Variants in CNTN6 observed in about 807,000 individuals in gnomAD.
CNTN6 encodes contactin 6.
A neutral mutation model predicts 122.8 loss-of-function variants in CNTN6; 137 were observed. That is an observed-to-expected ratio of 1.12 (90% CI 0.97 to 1.29). The LOEUF (loss-of-function observed/expected upper bound fraction) is 1.29. CNTN6 is among the 50% of genes most tolerant of loss of function. The pLI is 0.00. For missense variants in CNTN6, 1,634 were observed against 1,223.4 expected (o/e 1.34, Z -5.01); for synonymous variants, 570 against 426.0 (o/e 1.34, Z -4.16).
intron 2 of CNTN6, among the ~76,000 whole-genome samples, chr3:1,202,173 T>G (rs2093882467): frequency 6.6e-6 from 1 of 152,160 alleles, no homozygotes; most frequent in Non-Finnish European, 1.5e-5. Context: ...CATAGAAACA[T>G]GTTGATAAAG....
At chr3:1,398,149 A>G (rs536464512) in intron 20 of CNTN6, among the ~76,000 whole-genome samples, 1 of 152,136 alleles carries the variant, frequency 6.6e-6, no homozygotes, top group Non-Finnish European at 1.5e-5. Flanking sequence ...TGTGCTATCC[A>G]TGTGGCAGTG....
chr3:1,209,485 C>T (rs2094003477), intron 2 of CNTN6, among the ~76,000 whole-genome samples: 1 of 152,172 alleles, frequency 6.6e-6, no homozygotes, highest in Non-Finnish European at 1.5e-5. Flanking sequence ...AGCTTTGCAT[C>T]TTGTGAAGTG....
intron 1 of CNTN6, among the ~76,000 whole-genome samples, chr3:1,117,720 C>T (rs1447548255): frequency 6.6e-6 from 1 of 152,122 alleles, no homozygotes; most frequent in Non-Finnish European, 1.5e-5. Context: ...ATGCATAGGG[C>T]AAACCAGAAA....
intron 11 of CNTN6, 136 bp downstream of exon 11, chr3:1,330,071 C>T: frequency 1.9e-6 from 1 of 535,760 alleles, no homozygotes; most frequent in Non-Finnish European, 3.1e-6. Flanking sequence ...CGCCAGCATT[C>T]TTCTCATCAT....
At chr3:1,330,383 C>A (rs1199061247) in intron 11 of CNTN6, among the ~76,000 whole-genome samples, 4 of 151,778 alleles carry the variant, frequency 2.6e-5, no homozygotes, top group African/African-American at 9.7e-5. Context: ...AGAGAGGTTC[C>A]TGTAGAGAAA....
chr3:1,277,363 T>G (rs3852026), intron 4 of CNTN6, among the ~76,000 whole-genome samples: 23 of 125,008 alleles, frequency 1.8e-4, no homozygotes, highest in Non-Finnish European at 2.5e-4. Context: ...TTTTTTTTTT[T>G]TTTTTTTTTT....
At chr3:1,139,626 T>TGAACAATG (rs1273829967) in intron 1 of CNTN6, among the ~76,000 whole-genome samples, 11 of 152,152 alleles carry the variant, frequency 7.2e-5, no homozygotes, top group Admixed American at 7.2e-4. Context: ...GGAGTTTAAT[T>TGAACAATG]GAACAATGAA....
intron 4 of CNTN6, among the ~76,000 whole-genome samples, chr3:1,231,003 TG>T (rs1353636208): frequency 6.6e-6 from 1 of 152,218 alleles, no homozygotes; most frequent in Non-Finnish European, 1.5e-5. Context: ...TATCCCTTTT[TG>T]CATTTCATGC....
intron 8 of CNTN6, among the ~76,000 whole-genome samples, 198 bp from the exon 9 acceptor site, chr3:1,325,617 T>C (rs1446501086): frequency 6.6e-6 from 1 of 151,798 alleles, no homozygotes; most frequent in African/African-American, 2.4e-5. Context: ...TTGAGCCAAA[T>C]GCCCAATGAT....
intron 2 of CNTN6, among the ~76,000 whole-genome samples, chr3:1,213,663 T>C (rs1487356263): frequency 6.6e-6 from 1 of 151,758 alleles, no homozygotes; most frequent in Non-Finnish European, 1.5e-5. Flanking sequence ...TATTCATGTA[T>C]AGATAGATAA....
chr3:1,393,569 A>G (rs1013849331), intron 20 of CNTN6, among the ~76,000 whole-genome samples: 15 of 144,322 alleles, frequency 1.0e-4, no homozygotes, highest in Admixed American at 9.0e-4. Context: ...AAAAAAAAAA[A>G]AAAAAGAAAC....
Position 1,327,454 on chromosome 3 carries a change from T to C in CNTN6, c.1084-3T>C, listed in dbSNP as rs758612555. ...CATCTTTATATGCCTTTTCCTTTAT[T>C]AGGAGAGAATTCAAATAGAAAATGG... On this transcript the variant is annotated splice_polypyrimidine_tract_variant and splice_region_variant and intron_variant, in intron 9 of 22. Coordinates refer to ENST00000446702, the MANE Select transcript of CNTN6 (RefSeq NM_001289080.2). The C allele has an allele frequency of 6.2e-7, 1 of 1,609,392 alleles. No individual in the cohort carries two copies. Among genetic ancestry groups the C allele is most frequent in the Non-Finnish European group, 8.5e-7 (1 of 1,177,252 alleles).
intron 1 of CNTN6, among the ~76,000 whole-genome samples, chr3:1,115,201 C>T (rs537679145): frequency 9.5e-4 from 145 of 152,140 alleles, no homozygotes; most frequent in Non-Finnish European, 1.6e-3. Flanking sequence ...TTTAGAAATT[C>T]CCCAGTAAAA....
intron 20 of CNTN6, among the ~76,000 whole-genome samples, chr3:1,400,246 C>G (rs1331105043): frequency 6.6e-6 from 1 of 152,036 alleles, no homozygotes; most frequent in East Asian, 1.9e-4. Context: ...TTTTATATCT[C>G]TCCAGTTTCA....
chr3:1,397,562 T>C (rs1695141274), intron 20 of CNTN6, among the ~76,000 whole-genome samples: 3 of 152,138 alleles, frequency 2.0e-5, no homozygotes, highest in African/African-American at 7.2e-5. Context: ...ACACAGACAT[T>C]ACTTAAATGG....
Position 1,352,349 on chromosome 3 carries a change from C to T in CNTN6, c.1390C>T (p.Leu464Phe), listed in dbSNP as rs1211951215. 4 of 1,542,892 alleles carry T rather than the reference C, an allele frequency of 2.6e-6. No homozygotes were observed. The highest frequency in any genetic ancestry group is 3.5e-6 in the Non-Finnish European group (4 of 1,136,952). Residue 464 changes from leucine to phenylalanine, a missense_variant, in exon 12 of 23, where the codon CTC (leucine) becomes TTC (phenylalanine). Coordinates refer to ENST00000446702, the MANE Select transcript of CNTN6 (RefSeq NM_001289080.2). ...KRIFLLEDGS[L>F]KIYNITRSDA... Reference sequence around the variant, plus strand: ...AATATTTCTCTTGGAGGATGGCAGCCTCAAGATATATAATATTACCAGGTC... The same window carrying T: ...AATATTTCTCTTGGAGGATGGCAGCTTCAAGATATATAATATTACCAGGTC...
At chr3:1,250,004 T>C (rs2094638348) in intron 4 of CNTN6, among the ~76,000 whole-genome samples, 1 of 152,158 alleles carries the variant, frequency 6.6e-6, no homozygotes, top group African/African-American at 2.4e-5. Flanking sequence ...AGCAATCCTA[T>C]TGTTTTTATT....
chr3:1,248,780 A>G (rs1359469700), intron 4 of CNTN6, among the ~76,000 whole-genome samples: 1 of 151,994 alleles, frequency 6.6e-6, no homozygotes, highest in African/African-American at 2.4e-5. Context: ...AGATCGTGCC[A>G]TTGCACTCCA....
chr3:1,303,202 T>C (rs1246447723), intron 7 of CNTN6, among the ~76,000 whole-genome samples: 1 of 114,556 alleles, frequency 8.7e-6, no homozygotes, highest in Non-Finnish European at 1.9e-5. Flanking sequence ...ATTATAGTAA[T>C]TCAAAATTAC....
Sources: allele counts gnomAD v4.1 joint callset (sites outside exome capture counted in the v4.1 genomes callset), GRCh38; gene constraint gnomAD v4.1.1; transcripts MANE v1.5; gene names NCBI Gene and HGNC (gene_info 2026-07-23, HGNC 2026-07-21).